Variants in TP63 observed in about 807,000 individuals in gnomAD.
TP63 encodes the protein tumor protein 63.
TP63 carries 17 observed loss-of-function variants against 82.8 expected under a neutral mutation model. The ratio of observed to expected loss-of-function variants is 0.21; its 90% CI spans 0.14 to 0.31. The LOEUF is 0.31. Ranked by LOEUF, TP63 falls within the 10% of genes least tolerant of loss-of-function variation. The pLI is 1.00. For missense variants in TP63, 648 were observed against 895.3 expected, an observed-to-expected ratio of 0.72 and a Z score of 3.52; for synonymous variants, 330 against 321.7, an observed-to-expected ratio of 1.03 and a Z score of -0.28.
At chr3:189,854,149 A>G (rs1462055620) in intron 4 of TP63, among the ~76,000 whole-genome samples, 1 of 152,178 alleles carries the variant, frequency 6.6e-6, no homozygotes, top group East Asian at 1.9e-4. Flanking sequence ...TGTTGTACAA[A>G]TGAGAAGAGC....
At chr3:189,598,037 G>A in the TP63 span, among the ~76,000 whole-genome samples, 2 of 152,080 alleles carry the variant, frequency 1.3e-5, no homozygotes, top group African/African-American at 4.8e-5. Context: ...TTATAGAACT[G>A]TAAAATACTG....
intron 1 of TP63, among the ~76,000 whole-genome samples, chr3:189,735,097 G>A (rs1366604197): frequency 6.6e-6 from 1 of 152,004 alleles, no homozygotes; most frequent in East Asian, 1.9e-4. Context: ...TATTTTTGAG[G>A]TCTTATCTTC....
At chr3:189,685,144 A>T (rs1234704709) in intron 1 of TP63, among the ~76,000 whole-genome samples, 1 of 152,180 alleles carries the variant, frequency 6.6e-6, no homozygotes, top group Non-Finnish European at 1.5e-5. Context: ...GTAACCAAAG[A>T]CAGAAATCAG....
At chr3:189,670,556 G>A (rs766936625) in intron 1 of TP63, among the ~76,000 whole-genome samples, 9 of 151,990 alleles carry the variant, frequency 5.9e-5, no homozygotes, top group Non-Finnish European at 1.3e-4. Flanking sequence ...AATGACTCAT[G>A]AGTGAAAGAA....
At chr3:189,799,223 C>T (rs1220580997) in intron 3 of TP63, among the ~76,000 whole-genome samples, 1 of 152,042 alleles carries the variant, frequency 6.6e-6, no homozygotes, top group Non-Finnish European at 1.5e-5. Flanking sequence ...ATCTCAGTTC[C>T]TTAAACATAC....
At chr3:189,609,538 T>A in the TP63 span, among the ~76,000 whole-genome samples, 5 of 152,054 alleles carry the variant, frequency 3.3e-5, no homozygotes, top group Non-Finnish European at 5.9e-5. Flanking sequence ...CCTCCGACCC[T>A]CCCCCTTGAA....
At chr3:189,833,550 C>T (rs1199834180) in intron 4 of TP63, among the ~76,000 whole-genome samples, 1 of 152,166 alleles carries the variant, frequency 6.6e-6, no homozygotes, top group African/African-American at 2.4e-5. Context: ...GAACTTGAGA[C>T]CTACCAATCT....
At chr3:189,857,831 A>T (rs1279094238) in intron 4 of TP63, among the ~76,000 whole-genome samples, 1 of 152,234 alleles carries the variant, frequency 6.6e-6, no homozygotes, top group African/African-American at 2.4e-5. Context: ...TAACAACAAG[A>T]TAACTGTTAG....
chr3:189,599,677 A>G, the TP63 span, among the ~76,000 whole-genome samples: 1 of 152,144 alleles, frequency 6.6e-6, no homozygotes, highest in Non-Finnish European at 1.5e-5. Context: ...TACCAAAGAA[A>G]AACCATTAGT....
At chr3:189,816,944 T>C (rs1175088361) in intron 4 of TP63, among the ~76,000 whole-genome samples, 2 of 152,134 alleles carry the variant, frequency 1.3e-5, no homozygotes, top group African/African-American at 4.8e-5. Context: ...GGATTCTGAC[T>C]TTACAGATAG....
intron 9 of TP63, among the ~76,000 whole-genome samples, chr3:189,872,363 A>G (rs1272200259): frequency 2.0e-5 from 3 of 151,814 alleles, no homozygotes; most frequent in South Asian, 2.1e-4. Context: ...CTCGTGGCCA[A>G]TTAGCCTTAT....
At chr3:189,628,371 A>G (rs1577141817), upstream of TP63, among the ~76,000 whole-genome samples, 1 of 152,146 alleles carries the variant, frequency 6.6e-6, no homozygotes, top group Non-Finnish European at 1.5e-5. Flanking sequence ...GAGCAGTTGT[A>G]AAATAATTTT....
intron 1 of TP63, among the ~76,000 whole-genome samples, chr3:189,674,188 C>G (rs923823026): frequency 2.0e-4 from 30 of 152,158 alleles, no homozygotes; most frequent in Admixed American, 9.8e-4. Flanking sequence ...TGGCAAGTAG[C>G]TCAAAAGTAG....
At chr3:189,871,865 G>A (rs1174808566) in intron 9 of TP63, among the ~76,000 whole-genome samples, 1 of 152,164 alleles carries the variant, frequency 6.6e-6, no homozygotes, top group African/African-American at 2.4e-5. Context: ...GGGACCACAG[G>A]TGTGGGCCAC....
intron 3 of TP63, among the ~76,000 whole-genome samples, chr3:189,781,374 T>A (rs974817174): frequency 3.8e-4 from 58 of 152,138 alleles, no homozygotes; most frequent in African/African-American, 1.3e-3. Context: ...ACAGGTGGGA[T>A]TATCCACGGA....
intron 7 of TP63, 121 bp from the exon 8 acceptor site, chr3:189,868,459 C>T: frequency 6.8e-7 from 1 of 1,461,970 alleles, no homozygotes; most frequent in East Asian, 2.5e-5. Context: ...TCAAAGCCGC[C>T]ATGGCTAAGC....
chr3:189,825,457 C>T (rs1431392659), intron 4 of TP63, among the ~76,000 whole-genome samples: 3 of 152,112 alleles, frequency 2.0e-5, no homozygotes, highest in South Asian at 2.1e-4. Context: ...ATGCTTTCCA[C>T]GTTTTTAAAT....
chr3:189,836,295 T>C (rs1056924401), intron 4 of TP63, among the ~76,000 whole-genome samples: 2 of 152,142 alleles, frequency 1.3e-5, no homozygotes, highest in Non-Finnish European at 2.9e-5. Flanking sequence ...TGAAACTGAA[T>C]GTACCCAAAG....
chr3:189,873,440 G>T (rs1460202384), intron 10 of TP63: 7 of 233,636 alleles, frequency 3.0e-5, no homozygotes, highest in East Asian at 2.0e-4. Flanking sequence ...TAGCAAATAG[G>T]CTTTACTATA....
Sources: gnomAD v4.1 joint callset for allele counts (sites outside exome capture counted in the v4.1 genomes callset) on GRCh38, gnomAD v4.1.1 for gene constraint, MANE v1.5 for transcripts, NCBI Gene and HGNC (gene_info 2026-07-23, HGNC 2026-07-21) for gene names.